Variants in MAPK10 observed in about 807,000 individuals in gnomAD.
MAPK10 encodes the protein mitogen-activated protein kinase 10, also known as JNK3 alpha protein kinase.
Under a neutral mutation model 59.3 loss-of-function variants are expected in MAPK10, and 25 were observed. The observed-to-expected ratio is 0.42, with a 90% CI of 0.31 to 0.59. The LOEUF is 0.59. Among genes scored for constraint, MAPK10 ranks in the 20% least tolerant of loss-of-function variants. The pLI is 0.15. For missense variants in MAPK10, 351 were observed against 568.9 expected, an observed-to-expected ratio of 0.62 and a Z score of 3.90; for synonymous variants, 190 against 200.5, an observed-to-expected ratio of 0.95 and a Z score of 0.44.
At chr4:86,255,176 C>T (rs1040818731) in intron 2 of MAPK10, among the ~76,000 whole-genome samples, 20 of 151,818 alleles carry the variant, frequency 1.3e-4, no homozygotes, top group African/African-American at 4.6e-4. Flanking sequence ...ATGGAGAAGC[C>T]CTCCTAGCTG....
intron 5 of MAPK10, among the ~76,000 whole-genome samples, chr4:86,105,464 A>G (rs1026422229): frequency 1.3e-5 from 2 of 152,160 alleles, no homozygotes; most frequent in African/African-American, 4.8e-5. Context: ...AAGAATGGGA[A>G]GTATTCTCTC....
At chr4:86,113,648 T>C (rs1036448211) in intron 4 of MAPK10, among the ~76,000 whole-genome samples, 10 of 152,264 alleles carry the variant, frequency 6.6e-5, no homozygotes, top group Admixed American at 6.5e-4. Flanking sequence ...GCTCTTAACA[T>C]TTTTTCCTTC....
chr4:86,387,182 AGCTGGTCACGTTACG>A (rs1235699416), intron 1 of MAPK10, among the ~76,000 whole-genome samples: 1 of 152,106 alleles, frequency 6.6e-6, no homozygotes, highest in Non-Finnish European at 1.5e-5. Flanking sequence ...GGGCACAGGG[AGCTGGTCACGTTACG>A]GCTGGTTGTT....
chr4:86,084,218 G>A (rs1390790612), intron 9 of MAPK10, among the ~76,000 whole-genome samples: 2 of 152,156 alleles, frequency 1.3e-5, no homozygotes, highest in East Asian at 3.9e-4. Flanking sequence ...GCCACAGTGT[G>A]GGTAGAGTGC....
chr4:86,078,760 C>A (rs2050036247), intron 9 of MAPK10, among the ~76,000 whole-genome samples: 1 of 151,940 alleles, frequency 6.6e-6, no homozygotes, highest in South Asian at 2.1e-4. Context: ...GAGGCCAAGG[C>A]GGGAGGATCA....
intron 1 of MAPK10, among the ~76,000 whole-genome samples, chr4:86,372,567 A>AAAAAG (rs1739040911): frequency 7.5e-6 from 1 of 132,844 alleles, no homozygotes. Flanking sequence ...AAAGAAAGAA[A>AAAAAG]GAAAAGAAAA....
intron 2 of MAPK10, among the ~76,000 whole-genome samples, chr4:86,321,657 A>G (rs1162347239): frequency 2.6e-5 from 4 of 151,394 alleles, no homozygotes; most frequent in Non-Finnish European, 5.9e-5. Context: ...AATGGGTGCA[A>G]CACACCAGCA....
In MAPK10 at chr4:86,568,005, T is replaced by A. The variant is rs1349050716; in HGVS notation, c.-263+25905A>T. On this transcript the variant is annotated intron_variant, in intron 1 of 4. Coordinates refer to the MAPK10 transcript ENST00000502302. ...CCAAACTGAAAAAGAGACAGTCGAA[T>A]ATCTCTGTTCACTGATGATATAATC... is the stretch of plus-strand genomic sequence containing the variant. Among the ~76,000 whole-genome samples the A allele has an allele frequency of 2.0e-5, 3 of 152,192 alleles. No individual in the cohort carries two copies. In the East Asian group the frequency reaches 5.8e-4, roughly 29 times the overall value.
At chr4:86,134,205 TA>T (rs2061488953) in intron 4 of MAPK10, among the ~76,000 whole-genome samples, 1 of 152,216 alleles carries the variant, frequency 6.6e-6, no homozygotes, top group Non-Finnish European at 1.5e-5. Flanking sequence ...TGACTTCAAA[TA>T]TTTGAAGATA....
At chr4:86,501,633 T>C (rs531368652) in intron 1 of MAPK10, among the ~76,000 whole-genome samples, 3 of 151,874 alleles carry the variant, frequency 2.0e-5, no homozygotes, top group South Asian at 2.1e-4. Flanking sequence ...AGAGAAGTAA[T>C]AGTCTTAAAA....
At chr4:86,192,833 T>A (rs2080271302) in intron 3 of MAPK10, 1 of 152,100 alleles carries the variant, frequency 6.6e-6, no homozygotes, top group South Asian at 2.1e-4. Context: ...GGAGTTGTGA[T>A]CCTTTGGAGG....
intron 3 of MAPK10, among the ~76,000 whole-genome samples, chr4:86,161,171 T>C (rs1382438889): frequency 6.6e-6 from 1 of 151,800 alleles, no homozygotes; most frequent in East Asian, 1.9e-4. Flanking sequence ...AAGAATAGAG[T>C]GGACTTATAG....
chr4:86,394,050 C>T (rs934876338), intron 1 of MAPK10, among the ~76,000 whole-genome samples: 2 of 152,108 alleles, frequency 1.3e-5, no homozygotes, highest in African/African-American at 2.4e-5. Context: ...GTAGGCGGAT[C>T]ACCTGAGGTC....
At chr4:86,045,708 C>A (rs982405305) in intron 11 of MAPK10, among the ~76,000 whole-genome samples, 2 of 151,886 alleles carry the variant, frequency 1.3e-5, no homozygotes, top group African/African-American at 2.4e-5. Context: ...CCCTGCTTAC[C>A]AGCCCAAAAT....
At chr4:86,152,059 A>T (rs1250085695) in intron 4 of MAPK10, 3 of 152,172 alleles carry the variant, frequency 2.0e-5, no homozygotes, top group Non-Finnish European at 2.9e-5. Flanking sequence ...CCACGGGTAG[A>T]GCCCAGGCTG....
chr4:86,591,722 C>T (rs539377823), intron 1 of MAPK10, among the ~76,000 whole-genome samples: 1 of 152,044 alleles, frequency 6.6e-6, no homozygotes, highest in Admixed American at 6.6e-5. Context: ...TCTTTTATTG[C>T]CTCTAAAAGC....
At chr4:86,407,668 T>C (rs1339641013) in intron 1 of MAPK10, among the ~76,000 whole-genome samples, 2 of 152,120 alleles carry the variant, frequency 1.3e-5, no homozygotes, top group Admixed American at 6.6e-5. Context: ...TTATAAAATT[T>C]GTGAATGTAA....
At chr4:86,106,601 T>C (rs2056585661) in intron 5 of MAPK10, among the ~76,000 whole-genome samples, 1 of 151,742 alleles carries the variant, frequency 6.6e-6, no homozygotes, top group Non-Finnish European at 1.5e-5. Flanking sequence ...GCTTAGATTC[T>C]GAAATGAAGA....
rs902253578 is a variant in MAPK10, at chr4:86,278,780, A to G, written c.-7+75750T>C. ...TCCTTCCCCCAAATTCATAACCTCA[A>G]TCAATCATAAGAAAACATTAAGACA... On this transcript the variant is annotated intron_variant, in intron 2 of 13. Coordinates refer to ENST00000641462, the MANE Select transcript of MAPK10 (RefSeq NM_138982.4). 6.6e-5 allele frequency among the ~76,000 whole-genome samples: 10 copies of G among 152,276 alleles called. No homozygotes were observed. The South Asian group carries it at 8.3e-4, about 13-fold the overall frequency.
Sources: allele counts gnomAD v4.1 joint callset (sites outside exome capture counted in the v4.1 genomes callset), GRCh38; gene constraint gnomAD v4.1.1; transcripts MANE v1.5; gene names NCBI Gene and HGNC (gene_info 2026-07-23, HGNC 2026-07-21).